The following KALRN variants were observed in gnomAD, a reference collection of about 807,000 sequenced individuals.
The protein encoded by KALRN is kalirin.
Under a neutral mutation model 353.7 loss-of-function variants are expected in KALRN, and 70 were observed. The observed-to-expected ratio is 0.20, with a 90% CI of 0.16 to 0.24. KALRN has a LOEUF of 0.24. KALRN is among the 10% of genes least tolerant of loss of function. KALRN has a pLI of 1.00. For synonymous variants in KALRN, 1,391 were observed against 1,434.8 expected (o/e 0.97, Z 0.69); for missense variants, 2,791 against 3,756.7 (o/e 0.74, Z 6.72).
At chr3:124,449,430 G>A (rs1281422381) in intron 21 of KALRN, among the ~76,000 whole-genome samples, 1 of 152,178 alleles carries the variant, frequency 6.6e-6, no homozygotes, top group East Asian at 1.9e-4. Context: ...TCCATTAAAA[G>A]TATAGAAATG....
chr3:124,067,411 A>G (rs573289740), intron 1 of KALRN, among the ~76,000 whole-genome samples: 31 of 151,158 alleles, frequency 2.1e-4, no homozygotes, highest in Non-Finnish European at 4.3e-4. Context: ...ACCAGAGGTC[A>G]TGGAACTGGA....
In KALRN at chr3:124,723,603, T is replaced by A. The variant is rs1035803094; in HGVS notation, c.*4133T>A. 1 of 152,236 alleles carries A rather than the reference T, an allele frequency of 6.6e-6. No homozygotes were observed. The highest frequency in any genetic ancestry group is 2.4e-5 in the African/African-American group (1 of 41,462). 9.4% of individuals were successfully genotyped at this position (152,236 alleles called of 1,614,324 possible). A position where few individuals can be genotyped will look rare whatever the true frequency, so the allele number is the denominator to read the frequency against. The stretch of plus-strand genomic sequence containing the variant: ...GATACCAATTATAAACTCATGAGAT[T>A]AAATTCTGTAAATTGTTTTCAGTTG... On this transcript the variant is annotated 3_prime_UTR_variant, in exon 60 of 60. Coordinates refer to ENST00000682506, the MANE Select transcript of KALRN (RefSeq NM_001388419.1).
At chr3:124,545,799 A>T (rs915193809) in intron 33 of KALRN, among the ~76,000 whole-genome samples, 1 of 152,170 alleles carries the variant, frequency 6.6e-6, no homozygotes, top group African/African-American at 2.4e-5. Flanking sequence ...TGCTTCTTTG[A>T]TGTCCTAGAG....
intron 15 of KALRN, among the ~76,000 whole-genome samples, chr3:124,426,417 A>G (rs1437257998): frequency 6.6e-6 from 1 of 152,192 alleles, no homozygotes; most frequent in Non-Finnish European, 1.5e-5. Flanking sequence ...ACAGTAATAG[A>G]TTATGATACA....
intron 41 of KALRN, 81 bp downstream of exon 41, chr3:124,657,884 T>A: frequency 2.0e-6 from 2 of 1,022,354 alleles, no homozygotes; most frequent in Non-Finnish European, 3.1e-6. Flanking sequence ...CCAGGCACAG[T>A]GGCTCACACC....
intron 3 of KALRN, among the ~76,000 whole-genome samples, chr3:124,251,461 C>G (rs1161358131): frequency 6.7e-6 from 1 of 149,958 alleles, no homozygotes; most frequent in Non-Finnish European, 1.5e-5. Flanking sequence ...CCTCCACCTT[C>G]TGGGCTCAAG....
chr3:124,418,591 A>C (rs2092627609), intron 14 of KALRN, among the ~76,000 whole-genome samples: 1 of 152,230 alleles, frequency 6.6e-6, no homozygotes, highest in Non-Finnish European at 1.5e-5. Flanking sequence ...AACATGTTAC[A>C]AGTATGGGCA....
intron 45 of KALRN, among the ~76,000 whole-genome samples, chr3:124,664,543 T>G (rs982510357): frequency 6.6e-6 from 1 of 151,864 alleles, no homozygotes; most frequent in Non-Finnish European, 1.5e-5. Flanking sequence ...CCCAAGTAGC[T>G]GGGATTACAG....
chr3:124,674,669 GAAAC>G (rs929052237), intron 49 of KALRN, 55 bp downstream of exon 49: 1 of 1,466,180 alleles, frequency 6.8e-7, no homozygotes, highest in African/African-American at 1.4e-5. Flanking sequence ...AAAATATTCA[GAAAC>G]AAACAAAAGA....
rs112711226 is a variant in KALRN, at chr3:124,152,577, C to CTTTTCT, written c.74-75410_74-75409insTCTTTT. ...CTTTTCTTTTCTTTTCTTTTCTTTT[C>CTTTTCT]TTTCTTTCTTTCTTTCTTTTTTTTT... On this transcript the variant is annotated intron_variant, in intron 1 of 59. Coordinates refer to ENST00000682506, the MANE Select transcript of KALRN (RefSeq NM_001388419.1). 1,165 of 561,010 alleles carry CTTTTCT rather than the reference C, an allele frequency of 2.1e-3. 13 individuals are homozygous for CTTTTCT. In the African/African-American group the frequency reaches 0.023, roughly 11 times the overall value. 34.8% of individuals were successfully genotyped at this position (561,010 alleles called of 1,614,324 possible).
intron 34 of KALRN, among the ~76,000 whole-genome samples, chr3:124,577,731 TGTG>T (rs2074253092): frequency 6.6e-6 from 1 of 151,934 alleles, no homozygotes; most frequent in South Asian, 2.1e-4. Flanking sequence ...TATAGGCAGG[TGTG>T]GTGATGCATG....
intron 3 of KALRN, among the ~76,000 whole-genome samples, chr3:124,238,667 T>C (rs1280403380): frequency 6.6e-6 from 1 of 152,240 alleles, no homozygotes; most frequent in African/African-American, 2.4e-5. Context: ...CTTAAGATTT[T>C]GTCTATACCT....
rs536160882 is a variant in KALRN, at chr3:124,243,465, G to C, written c.263+8522G>C. Among the ~76,000 whole-genome samples the C allele has an allele frequency of 8.5e-5, 13 of 152,376 alleles. 1 individual carries two copies. Among genetic ancestry groups the C allele is most frequent in the African/African-American group, 3.1e-4 (13 of 41,598 alleles). ...GCAGCCCTGGTTATTCCAGGAACCA[G>C]TAAGTGCCTGTAGCGATAAATCAAG... On this transcript the variant is annotated intron_variant, in intron 3 of 59. Coordinates refer to ENST00000682506, the MANE Select transcript of KALRN (RefSeq NM_001388419.1).
intron 33 of KALRN, among the ~76,000 whole-genome samples, chr3:124,560,264 G>A (rs1030777601): frequency 3.3e-5 from 5 of 152,250 alleles, no homozygotes; most frequent in African/African-American, 1.2e-4. Flanking sequence ...CAACCATGTT[G>A]CCCTGAAAGG....
At chr3:124,211,083 T>C (rs1336726513) in intron 1 of KALRN, among the ~76,000 whole-genome samples, 2 of 152,238 alleles carry the variant, frequency 1.3e-5, no homozygotes, top group Admixed American at 1.3e-4. Context: ...GCAGTTTGGC[T>C]GTTCCCAGGT....
intron 1 of KALRN, among the ~76,000 whole-genome samples, chr3:124,112,012 T>C (rs2063024853): frequency 6.8e-6 from 1 of 147,894 alleles, no homozygotes; most frequent in African/African-American, 2.5e-5. Flanking sequence ...TATTAAGGCT[T>C]AAGAATCCTG....
At chr3:124,358,202 A>T (rs2083631638) in intron 10 of KALRN, among the ~76,000 whole-genome samples, 1 of 152,192 alleles carries the variant, frequency 6.6e-6, no homozygotes, top group African/African-American at 2.4e-5. Flanking sequence ...CTAAAAAAAA[A>T]TTCAGATGAA....
rs142910089 is a variant in KALRN at position 124,673,647 on chromosome 3, T to A, written c.6943-717T>A. 2.4e-3 allele frequency among the ~76,000 whole-genome samples: 361 copies of A among 151,922 alleles called. 1 individual carries two copies. The highest frequency in any genetic ancestry group is 8.3e-3 in the African/African-American group (343 of 41,336). ...GCATATAGAATATATATGTATATACTGAAGAATTTCTGGCTCTTACCATGC... is the reference window on the plus strand; with the variant it reads ...GCATATAGAATATATATGTATATACAGAAGAATTTCTGGCTCTTACCATGC... On this transcript the variant is annotated intron_variant, in intron 48 of 59. Coordinates refer to ENST00000682506, the MANE Select transcript of KALRN (RefSeq NM_001388419.1).
Position 124,666,556 on chromosome 3 carries a change from C to A in KALRN, c.6453C>A (p.Phe2151Leu). The A allele has an allele frequency of 6.2e-7, 1 of 1,613,984 alleles. No individual in the cohort carries two copies. The highest frequency in any genetic ancestry group is 8.5e-7 in the Non-Finnish European group (1 of 1,179,876). The stretch of plus-strand genomic sequence containing the variant: ...CCAAAGAGAGGCGCGTGTTCCTCTT[C>A]GAGCAGATTGTCATCTTCAGTGAAC... ...SRTKERRVFL[F>L]EQIVIFSELL... The change falls in exon 46 of 60, where the codon TTC becomes TTA. Residue 2151 changes from phenylalanine (F) to leucine (L), a missense_variant. Transcript: ENST00000682506.
Sources: gnomAD v4.1 joint callset for allele counts (sites outside exome capture counted in the v4.1 genomes callset) on GRCh38, gnomAD v4.1.1 for gene constraint, MANE v1.5 for transcripts, NCBI Gene and HGNC (gene_info 2026-07-23, HGNC 2026-07-21) for gene names.